Variants in TRMT9B observed in about 807,000 individuals in gnomAD.
TRMT9B encodes the protein probable tRNA methyltransferase 9B.
TRMT9B carries 16 observed loss-of-function variants against 11.5 expected under a neutral mutation model. The observed-to-expected ratio is 1.39, with a 90% CI of 0.94 to 2.11. The LOEUF (loss-of-function observed/expected upper bound fraction) is 2.11, where lower values mean the gene tolerates loss of function less well. Ranked by LOEUF, TRMT9B falls within the 30% of genes most tolerant of loss-of-function variation. The pLI is 0.00. For synonymous variants in TRMT9B, 274 were observed against 192.4 expected, an observed-to-expected ratio of 1.42 and a Z score of -3.51; for missense variants, 941 against 553.8, an observed-to-expected ratio of 1.70 and a Z score of -7.02.
intron 1 of TRMT9B, chr8:12,952,110 A>G (rs553761270): frequency 2.9e-4 from 126 of 439,016 alleles, no homozygotes; most frequent in South Asian, 2.0e-3. Context: ...CTCTGATGCA[A>G]AAGCAGCTTT....
intron 1 of TRMT9B, among the ~76,000 whole-genome samples, chr8:12,959,500 C>T (rs2977079): frequency 0.36 from 50,617 of 138,990 alleles, 9,891 homozygotes; most frequent in East Asian, 0.67. Context: ...CTCTCCTCTC[C>T]TTTCCTTTTT....
At chr8:12,952,215 T>A (rs920406009) in intron 1 of TRMT9B, 2 of 450,432 alleles carry the variant, frequency 4.4e-6, no homozygotes, top group Admixed American at 2.4e-5. Context: ...ACCGGAGCAC[T>A]GACAATGGTC....
At position 13,027,678 on chromosome 8, in the gene TRMT9B, T is replaced by C. The variant is rs1181872866; in HGVS notation, c.*5634T>C. ...CCTAGATATATACTTGGATTTCAAATGCCATAATTGTAATCTTTCTCCAAA... is the reference window on the plus strand; with the variant it reads ...CCTAGATATATACTTGGATTTCAAACGCCATAATTGTAATCTTTCTCCAAA... On this transcript the variant is annotated 3_prime_UTR_variant, in exon 5 of 5. Transcript: ENST00000524591. 6.0e-6 allele frequency: 1 copy of C among 167,064 alleles called. No homozygotes were observed. Among genetic ancestry groups the C allele is most frequent in the African/African-American group, 2.4e-5 (1 of 41,444 alleles). 10.3% of individuals were successfully genotyped at this position (167,064 alleles called of 1,614,324 possible). A position where few individuals can be genotyped will look rare whatever the true frequency, so the allele number is the denominator to read the frequency against.
chr8:13,021,571 G>A lies in TRMT9B; in HGVS notation c.892G>A (p.Glu298Lys). 6.2e-7 allele frequency: 1 copy of A among 1,613,882 alleles called. No homozygotes were observed. The highest frequency in any genetic ancestry group is 1.3e-5 in the African/African-American group (1 of 74,996). The change falls in exon 5 of 5, where the codon GAG (glutamate) becomes AAG (lysine). Residue 298 changes from glutamate to lysine, a missense_variant. By Grantham distance (56) the Glu-to-Lys change is moderately conservative. Transcript: ENST00000524591. ...RHSSLDFDHQ[E>K]PFSTKGQSLD... ...CTCTAGTTTAGACTTTGATCACCAA[G>A]AGCCATTTTCAACAAAAGGGCAAAG...
At chr8:12,979,071 G>A (rs938445621) in intron 1 of TRMT9B, among the ~76,000 whole-genome samples, 2 of 152,150 alleles carry the variant, frequency 1.3e-5, no homozygotes, top group African/African-American at 2.4e-5. Context: ...AGAAGGGGAG[G>A]GAACGTGGTG....
intron 2 of TRMT9B, among the ~76,000 whole-genome samples, chr8:13,005,146 G>A (rs1426082644): frequency 6.6e-6 from 1 of 151,968 alleles, no homozygotes; most frequent in Non-Finnish European, 1.5e-5. Context: ...TAACATGGAT[G>A]GATCTGGAGG....
At chr8:13,006,627 A>T in intron 3 of TRMT9B, 1 of 1,372,836 alleles carries the variant, frequency 7.3e-7, no homozygotes, top group Non-Finnish European at 9.4e-7. Context: ...AACTCGAGAC[A>T]GTCAAGTCAG....
At chr8:12,987,772 A>T (rs77269861) in intron 1 of TRMT9B, among the ~76,000 whole-genome samples, 4,646 of 152,296 alleles carry the variant, frequency 0.031, 116 homozygotes, top group Non-Finnish European at 0.049. Flanking sequence ...ACGTGCTCAG[A>T]ACATTTACAT....
At chr8:13,016,056 G>A (rs1402829345) in intron 4 of TRMT9B, among the ~76,000 whole-genome samples, 1 of 148,606 alleles carries the variant, frequency 6.7e-6, no homozygotes, top group Non-Finnish European at 1.5e-5. Context: ...GTCCAGCCTG[G>A]GCAACCTAAA....
chr8:12,965,851 A>C (rs1422319504), intron 1 of TRMT9B, among the ~76,000 whole-genome samples: 2 of 146,908 alleles, frequency 1.4e-5, no homozygotes, highest in African/African-American at 5.1e-5. Context: ...CATCTCTACT[A>C]AATATACAAA....
In TRMT9B at chr8:12,959,023, C is replaced by T. The variant is rs573298732; in HGVS notation, c.-200+13057C>T. Among the ~76,000 whole-genome samples the T allele has an allele frequency of 1.1e-4, 16 of 152,230 alleles. No homozygotes were observed. The South Asian group carries it at 3.1e-3, about 30-fold the overall frequency. On this transcript the variant is annotated intron_variant, in intron 1 of 4. Transcript: ENST00000524591. ...CAAGTTGATGGGTGCAGCAAACCAA[C>T]ATGGCACATGTATACCTATGTAACA...
chr8:13,010,860 C>T lies in TRMT9B; in HGVS notation c.155-1824C>T, dbSNP rs925574351. ...TGAATTATATTTTCCCCATGATTGCCTTCAAACAGAGGGTACTTTTTCTCA... is the reference window on the plus strand; with the variant it reads ...TGAATTATATTTTCCCCATGATTGCTTTCAAACAGAGGGTACTTTTTCTCA... On this transcript the variant is annotated intron_variant, in intron 3 of 4. Coordinates refer to ENST00000524591, the MANE Select transcript of TRMT9B (RefSeq NM_020844.3). 6.1e-6 allele frequency: 6 copies of T among 979,418 alleles called. No homozygotes were observed. In the African/African-American group the frequency reaches 1.1e-4, roughly 17 times the overall value. The allele number at this position is 979,418 out of a possible 1,614,324, so 60.7% of individuals were successfully genotyped here. A position where few individuals can be genotyped will look rare whatever the true frequency, so the allele number is the denominator to read the frequency against.
chr8:12,947,777 C>T (rs1800335106), intron 1 of TRMT9B, among the ~76,000 whole-genome samples: 2 of 152,216 alleles, frequency 1.3e-5, no homozygotes, highest in South Asian at 4.1e-4. Flanking sequence ...GGAGAAATTT[C>T]ATGCTTTGCT....
intron 1 of TRMT9B, among the ~76,000 whole-genome samples, chr8:12,949,356 G>T (rs2128855009): frequency 6.6e-6 from 1 of 152,220 alleles, no homozygotes; most frequent in African/African-American, 2.4e-5. Context: ...TCAATATTTT[G>T]ACAGTCATTT....
chr8:12,992,624 G>T (rs961066543), intron 2 of TRMT9B, among the ~76,000 whole-genome samples: 2 of 152,000 alleles, frequency 1.3e-5, no homozygotes, highest in Admixed American at 1.3e-4. Flanking sequence ...GGCCGGGTTA[G>T]GCAGATCACC....
intron 1 of TRMT9B, chr8:12,969,986 T>C (rs1192290063): frequency 6.6e-6 from 1 of 152,218 alleles, no homozygotes; most frequent in South Asian, 2.1e-4. Flanking sequence ...TTAAATATTT[T>C]TGATACACAG....
chr8:13,017,702 C>T (rs1812989166), intron 4 of TRMT9B, among the ~76,000 whole-genome samples: 1 of 149,458 alleles, frequency 6.7e-6, no homozygotes, highest in Non-Finnish European at 1.5e-5. Context: ...CAACCTCTGC[C>T]TCCTGGGCTC....
intron 1 of TRMT9B, among the ~76,000 whole-genome samples, chr8:12,987,840 T>C (rs1372819879): frequency 1.3e-5 from 2 of 152,188 alleles, no homozygotes; most frequent in Admixed American, 6.5e-5. Context: ...ATCTCAGTTG[T>C]CTACATTCAT....
At chr8:13,011,295 A>G in intron 3 of TRMT9B, 1 of 985,118 alleles carries the variant, frequency 1.0e-6, no homozygotes, top group Non-Finnish European at 1.2e-6. Context: ...CCCAAATTTT[A>G]TTTTTTATTC....
Sources: gnomAD v4.1 joint callset for allele counts (sites outside exome capture counted in the v4.1 genomes callset) on GRCh38, gnomAD v4.1.1 for gene constraint, MANE v1.5 for transcripts, NCBI Gene and HGNC (gene_info 2026-07-23, HGNC 2026-07-21) for gene names.